The following CDH2 variants were observed in gnomAD, a reference collection of about 807,000 sequenced individuals.
CDH2 encodes cadherin-2.
CDH2 carries 17 observed loss-of-function variants against 92.0 expected under a neutral mutation model. That is an observed-to-expected ratio of 0.18 (90% CI 0.13 to 0.28). The LOEUF is 0.28. CDH2 is among the 10% of genes least tolerant of loss of function. The pLI is 1.00. For missense variants in CDH2, 862 were observed against 1,133.1 expected, an observed-to-expected ratio of 0.76 and a Z score of 3.44; for synonymous variants, 419 against 415.9, an observed-to-expected ratio of 1.01 and a Z score of -0.09.
intron 2 of CDH2, among the ~76,000 whole-genome samples, chr18:28,032,449 G>A (rs964423450): frequency 2.6e-5 from 4 of 151,950 alleles, no homozygotes; most frequent in Admixed American, 1.3e-4. Flanking sequence ...ACAGCACTGG[G>A]AACAATATTA....
chr18:27,975,563 T>C (rs2011798471), intron 14 of CDH2, among the ~76,000 whole-genome samples: 1 of 152,150 alleles, frequency 6.6e-6, no homozygotes, highest in African/African-American at 2.4e-5. Flanking sequence ...TGTGGTGGCG[T>C]CTAGGTGGGG....
Position 27,951,256 on chromosome 18 carries a change from T to TA in CDH2, c.*896dup, listed in dbSNP as rs373569043. On this transcript the variant is annotated 3_prime_UTR_variant, in exon 16 of 16. Transcript: ENST00000269141. The stretch of plus-strand genomic sequence containing the variant: ...AAAAGAAAATAAAAAATAAAAAAAT[T>TA]AAAAAAATTAAAAATTGAGTATTCT... 1 of 150,990 alleles carries TA rather than the reference T, an allele frequency of 6.6e-6. No homozygotes were observed. Among genetic ancestry groups the TA allele is most frequent in the Non-Finnish European group, 1.5e-5 (1 of 67,734 alleles). 9.4% of individuals were successfully genotyped at this position (150,990 alleles called of 1,614,324 possible).
At chr18:28,044,015 C>T (rs1336623791) in intron 2 of CDH2, among the ~76,000 whole-genome samples, 1 of 148,992 alleles carries the variant, frequency 6.7e-6, no homozygotes, top group African/African-American at 2.5e-5. Context: ...CGGGTTCAAG[C>T]GATTCTCCTG....
intron 2 of CDH2, among the ~76,000 whole-genome samples, chr18:28,034,152 C>G (rs2013768233): frequency 6.6e-6 from 1 of 152,046 alleles, no homozygotes; most frequent in South Asian, 2.1e-4. Context: ...TGATAATAAT[C>G]TCTCAACAGC....
chr18:28,119,978 G>A (rs1344863086), intron 2 of CDH2, among the ~76,000 whole-genome samples: 1 of 152,068 alleles, frequency 6.6e-6, no homozygotes, highest in Non-Finnish European at 1.5e-5. Flanking sequence ...ATCCCTGGAT[G>A]ACTTCATGGA....
At chr18:27,995,305 C>T (rs1483022863) in intron 7 of CDH2, among the ~76,000 whole-genome samples, 1 of 116,840 alleles carries the variant, frequency 8.6e-6, no homozygotes, top group Admixed American at 1.0e-4. Context: ...CAGAATGAGA[C>T]TCCATCTCAA....
intron 2 of CDH2, among the ~76,000 whole-genome samples, chr18:28,022,713 G>A (rs1436971516): frequency 6.6e-6 from 1 of 152,060 alleles, no homozygotes; most frequent in Non-Finnish European, 1.5e-5. Context: ...TTCCTATTAA[G>A]TACTTCAAAA....
intron 6 of CDH2, among the ~76,000 whole-genome samples, chr18:28,005,547 G>C (rs939156654): frequency 3.3e-5 from 5 of 152,174 alleles, no homozygotes; most frequent in African/African-American, 1.2e-4. Flanking sequence ...TGCATTGGCT[G>C]TATCAACTAA....
chr18:27,983,353 A>G (rs1174934463), intron 13 of CDH2, among the ~76,000 whole-genome samples: 1 of 152,178 alleles, frequency 6.6e-6, no homozygotes, highest in Non-Finnish European at 1.5e-5. Context: ...TCTCAGTTTT[A>G]CCATCCATAT....
intron 2 of CDH2, among the ~76,000 whole-genome samples, chr18:28,090,879 C>G (rs1286607350): frequency 6.6e-6 from 1 of 152,176 alleles, no homozygotes; most frequent in Non-Finnish European, 1.5e-5. Flanking sequence ...TTCCTTTTCA[C>G]TCTGCCTACA....
intron 6 of CDH2, among the ~76,000 whole-genome samples, chr18:28,004,208 C>T (rs535678908): frequency 2.0e-4 from 30 of 152,330 alleles, no homozygotes; most frequent in African/African-American, 7.2e-4. Context: ...TCCCCTACTA[C>T]AATTTAAGCT....
At chr18:27,974,036 TAG>T (rs2011743950) in intron 14 of CDH2, among the ~76,000 whole-genome samples, 1 of 152,234 alleles carries the variant, frequency 6.6e-6, no homozygotes, top group Admixed American at 6.5e-5. Flanking sequence ...ACTGAAATTT[TAG>T]AGTCTGTTAC....
At chr18:27,936,841 T>C (rs1909031840) in intron 6 of CDH2, among the ~76,000 whole-genome samples, 1 of 151,904 alleles carries the variant, frequency 6.6e-6, no homozygotes, top group Non-Finnish European at 1.5e-5. Context: ...GCCGCCCCTC[T>C]CCTCCCTTTT....
intron 1 of CDH2, among the ~76,000 whole-genome samples, chr18:28,167,730 T>C (rs756864157): frequency 1.4e-4 from 21 of 152,142 alleles, no homozygotes; most frequent in Admixed American, 1.1e-3. Context: ...TATTTTCCTG[T>C]ATGCATTTGA....
In CDH2 at chr18:28,115,581, C is replaced by T. The variant is rs45591131; in HGVS notation, c.172+32092G>A. On this transcript the variant is annotated intron_variant, in intron 2 of 15. Transcript: ENST00000269141. The stretch of plus-strand genomic sequence containing the variant: ...ATACCAGGGCCCCCAGCTACACAAT[C>T]CTGAGGATAGACAGAAGATGGCTGC... Among the ~76,000 whole-genome samples, 262 of 152,266 alleles carry T rather than the reference C, an allele frequency of 1.7e-3. 1 individual carries two copies. Among genetic ancestry groups the T allele is most frequent in the Middle Eastern group, 3.4e-3 (1 of 294 alleles).
intron 2 of CDH2, among the ~76,000 whole-genome samples, chr18:28,098,346 T>C (rs985454254): frequency 1.7e-4 from 9 of 52,830 alleles, no homozygotes; most frequent in Admixed American, 1.0e-3. Flanking sequence ...TTATGATCCA[T>C]AAAGTTGCCA....
Position 28,127,445 on chromosome 18 carries a change from C to T in CDH2, c.172+20228G>A, listed in dbSNP as rs528201447. The stretch of plus-strand genomic sequence containing the variant: ...TCTGAAATTGGGACGCAGCCATAAG[C>T]GCAAGGCCCTGCGGCAAAGGGAAAA... On this transcript the variant is annotated intron_variant, in intron 2 of 15. Coordinates refer to ENST00000269141, the MANE Select transcript of CDH2 (RefSeq NM_001792.5). 2.2e-3 allele frequency among the ~76,000 whole-genome samples: 337 copies of T among 152,266 alleles called. 2 individuals carry two copies. The highest frequency in any genetic ancestry group is 6.9e-3 in the African/African-American group (288 of 41,556).
chr18:27,938,011 C>T (rs1909056150), intron 6 of CDH2, among the ~76,000 whole-genome samples: 2 of 151,944 alleles, frequency 1.3e-5, no homozygotes, highest in Admixed American at 1.3e-4. Context: ...GTGATTGGAT[C>T]GTGGGGGTGG....
intron 2 of CDH2, among the ~76,000 whole-genome samples, chr18:28,034,140 G>A (rs1255911320): frequency 2.0e-5 from 3 of 151,984 alleles, no homozygotes; most frequent in Admixed American, 6.6e-5. Flanking sequence ...TCGTGGTTGC[G>A]CTGATAATAA....
Sources: gnomAD v4.1 joint callset for allele counts (sites outside exome capture counted in the v4.1 genomes callset) on GRCh38, gnomAD v4.1.1 for gene constraint, MANE v1.5 for transcripts, NCBI Gene and HGNC (gene_info 2026-07-23, HGNC 2026-07-21) for gene names.